Variants in LRP1B observed in about 807,000 individuals in gnomAD.
The protein encoded by LRP1B is low-density lipoprotein receptor-related protein 1B.
A neutral mutation model predicts 556.6 loss-of-function variants in LRP1B; 217 were observed. The observed-to-expected ratio is 0.39, with a 90% CI of 0.35 to 0.44. The LOEUF is 0.44. Among genes scored for constraint, LRP1B ranks in the 20% least tolerant of loss-of-function variants. The probability of loss-of-function intolerance (pLI) is 1.00; values close to 1 mark genes in which losing one functional copy is unlikely to be tolerated. For missense variants in LRP1B, 5,053 were observed against 5,620.8 expected, an observed-to-expected ratio of 0.90 and a Z score of 3.23; for synonymous variants, 2,047 against 1,865.8, an observed-to-expected ratio of 1.10 and a Z score of -2.50.
At chr2:141,530,642 A>C (rs1461539882) in intron 2 of LRP1B, among the ~76,000 whole-genome samples, 1 of 152,054 alleles carries the variant, frequency 6.6e-6, no homozygotes, top group Non-Finnish European at 1.5e-5. Flanking sequence ...ACAAAGAATA[A>C]CATAGAGATT....
At chr2:141,167,044 G>A (rs113425045) in intron 7 of LRP1B, among the ~76,000 whole-genome samples, 8,191 of 151,808 alleles carry the variant, frequency 0.054, 301 homozygotes, top group South Asian at 0.11. Context: ...TTAGGAAACT[G>A]GTTGTTACTT....
At chr2:141,731,332 C>T (rs745764592) in intron 2 of LRP1B, among the ~76,000 whole-genome samples, 17 of 151,974 alleles carry the variant, frequency 1.1e-4, no homozygotes, top group Admixed American at 2.6e-4. Flanking sequence ...GACACATTTG[C>T]GGGTAAGGAT....
intron 35 of LRP1B, among the ~76,000 whole-genome samples, chr2:140,741,327 C>A (rs1688130152): frequency 6.6e-6 from 1 of 152,074 alleles, no homozygotes; most frequent in East Asian, 1.9e-4. Context: ...CATGATCAAT[C>A]AGTATATTAT....
intron 2 of LRP1B, among the ~76,000 whole-genome samples, chr2:141,492,079 GA>G (rs1553521014): frequency 9.9e-4 from 8 of 8,060 alleles, no homozygotes; most frequent in African/African-American, 2.2e-3. Context: ...TTAGCTTTCT[GA>G]AAAAAAAAAA....
At chr2:141,252,024 A>C (rs1684280216) in intron 4 of LRP1B, among the ~76,000 whole-genome samples, 1 of 151,874 alleles carries the variant, frequency 6.6e-6, no homozygotes, top group Non-Finnish European at 1.5e-5. Flanking sequence ...CCAACACAAA[A>C]ACAAAAACAA....
At chr2:140,728,981 T>C (rs1687687295) in intron 35 of LRP1B, among the ~76,000 whole-genome samples, 1 of 152,032 alleles carries the variant, frequency 6.6e-6, no homozygotes, top group South Asian at 2.1e-4. Context: ...ATATAAAGTA[T>C]ATAACAAAAT....
intron 1 of LRP1B, among the ~76,000 whole-genome samples, chr2:141,990,735 G>T (rs563906184): frequency 6.6e-6 from 1 of 152,154 alleles, no homozygotes; most frequent in South Asian, 2.1e-4. Context: ...GTGTATGTGT[G>T]TATCTATATG....
At chr2:141,277,081 A>C (rs951228456) in intron 3 of LRP1B, among the ~76,000 whole-genome samples, 1 of 152,194 alleles carries the variant, frequency 6.6e-6, no homozygotes, top group Non-Finnish European at 1.5e-5. Context: ...GCTATTATGA[A>C]TAGTGCTGTA....
intron 3 of LRP1B, among the ~76,000 whole-genome samples, chr2:141,358,622 G>A (rs1688711217): frequency 6.6e-6 from 1 of 152,182 alleles, no homozygotes; most frequent in Admixed American, 6.5e-5. Context: ...TAATTTCTAT[G>A]TTTCTAGTAG....
intron 2 of LRP1B, among the ~76,000 whole-genome samples, chr2:141,733,304 G>A (rs1342995675): frequency 2.0e-5 from 3 of 151,986 alleles, no homozygotes; most frequent in Non-Finnish European, 4.4e-5. Flanking sequence ...TTTGAATTAC[G>A]ATTGGTCTTC....
At chr2:140,694,942 A>T (rs1217048205) in intron 41 of LRP1B, among the ~76,000 whole-genome samples, 1 of 151,686 alleles carries the variant, frequency 6.6e-6, no homozygotes, top group Non-Finnish European at 1.5e-5. Flanking sequence ...TTTTTCTTAC[A>T]TATGTATATT....
At chr2:142,056,671 A>T (rs1318501935) in intron 1 of LRP1B, among the ~76,000 whole-genome samples, 2 of 152,098 alleles carry the variant, frequency 1.3e-5, no homozygotes, top group African/African-American at 2.4e-5. Flanking sequence ...ATAGAATCAA[A>T]TTTACAAATT....
chr2:140,463,553 A>C (rs890873819), intron 60 of LRP1B, among the ~76,000 whole-genome samples: 6 of 152,214 alleles, frequency 3.9e-5, no homozygotes, highest in African/African-American at 1.4e-4. Context: ...TTAGGCACCA[A>C]GGTCCAAAAT....
intron 2 of LRP1B, among the ~76,000 whole-genome samples, chr2:141,603,053 A>T (rs764798647): frequency 1.7e-4 from 26 of 152,186 alleles, no homozygotes; most frequent in Non-Finnish European, 2.8e-4. Flanking sequence ...TCCTCATAAA[A>T]GACACAAAAT....
At chr2:140,872,051 G>T (rs1250726227) in intron 25 of LRP1B, among the ~76,000 whole-genome samples, 52 of 124,014 alleles carry the variant, frequency 4.2e-4, no homozygotes, top group South Asian at 1.3e-3. Flanking sequence ...AGTCCTTCAT[G>T]TTTTTTTTTT....
intron 2 of LRP1B, among the ~76,000 whole-genome samples, chr2:141,639,349 T>TATATATACACACACAC (rs1262198983): frequency 3.6e-5 from 2 of 56,100 alleles, no homozygotes; most frequent in East Asian, 8.5e-4. Flanking sequence ...TATATATATA[T>TATATATACACACACAC]ACACACACAC....
rs184047530 is a variant in LRP1B at position 140,260,415 on chromosome 2, T to G, written c.13247+9827A>C. Among the ~76,000 whole-genome samples, 439 of 152,078 alleles carry G rather than the reference T, an allele frequency of 2.9e-3. 3 individuals carry two copies. The highest frequency in any genetic ancestry group is 9.9e-3 in the African/African-American group (411 of 41,558). Reference sequence around the variant, plus strand: ...ACCCAAATTCCAGCAATAAGAGATGTCATTGTTACCATTTTGTTGTACTGC... The same window carrying G: ...ACCCAAATTCCAGCAATAAGAGATGGCATTGTTACCATTTTGTTGTACTGC... On this transcript the variant is annotated intron_variant, in intron 86 of 90. Transcript: ENST00000389484.
At chr2:141,136,087 A>C (rs937146768) in intron 7 of LRP1B, among the ~76,000 whole-genome samples, 1 of 152,044 alleles carries the variant, frequency 6.6e-6, no homozygotes, top group African/African-American at 2.4e-5. Flanking sequence ...ATACCAACAA[A>C]TTCAATTAGA....
At chr2:140,412,112 C>G (rs1444758263) in intron 66 of LRP1B, among the ~76,000 whole-genome samples, 1 of 151,898 alleles carries the variant, frequency 6.6e-6, no homozygotes, top group Non-Finnish European at 1.5e-5. Flanking sequence ...AGAATAGACT[C>G]AAAAAAGAAG....
Sources: gnomAD v4.1 joint callset for allele counts (sites outside exome capture counted in the v4.1 genomes callset) on GRCh38, gnomAD v4.1.1 for gene constraint, MANE v1.5 for transcripts, NCBI Gene and HGNC (gene_info 2026-07-23, HGNC 2026-07-21) for gene names.